The following NTRK3 variants were observed in gnomAD, a reference collection of about 807,000 sequenced individuals.
NTRK3 encodes NT-3 growth factor receptor.
Under a neutral mutation model 91.7 loss-of-function variants are expected in NTRK3, and 24 were observed. That is an observed-to-expected ratio of 0.26 (90% CI 0.19 to 0.37). The LOEUF is 0.37. Ranked by LOEUF, NTRK3 falls within the 10% of genes least tolerant of loss-of-function variation. NTRK3 has a pLI of 1.00. For synonymous variants in NTRK3, 483 were observed against 404.0 expected, an observed-to-expected ratio of 1.20 and a Z score of -2.34; for missense variants, 880 against 1,068.9, an observed-to-expected ratio of 0.82 and a Z score of 2.46.
intron 15 of NTRK3, among the ~76,000 whole-genome samples, chr15:87,935,511 G>T (rs1039592014): frequency 6.6e-6 from 1 of 152,206 alleles, no homozygotes; most frequent in Admixed American, 6.5e-5. Flanking sequence ...GCCTTGAGCT[G>T]TATGGGCTGG....
chr15:87,968,949 T>C (rs1246364507), intron 14 of NTRK3, among the ~76,000 whole-genome samples: 2 of 152,160 alleles, frequency 1.3e-5, no homozygotes, highest in African/African-American at 4.8e-5. Context: ...TTACCACCAA[T>C]CCTTCAATCA....
chr15:88,239,172 C>T (rs1264945466), intron 3 of NTRK3, among the ~76,000 whole-genome samples: 1 of 151,486 alleles, frequency 6.6e-6, no homozygotes, highest in Non-Finnish European at 1.5e-5. Context: ...AGGGAGGGCC[C>T]AGATAAGCAA....
intron 13 of NTRK3, among the ~76,000 whole-genome samples, chr15:88,091,160 A>G (rs941830791): frequency 3.3e-5 from 5 of 152,206 alleles, no homozygotes; most frequent in Admixed American, 1.3e-4. Context: ...TACTACCTGC[A>G]GCTTATCTTT....
intron 14 of NTRK3, among the ~76,000 whole-genome samples, chr15:87,973,245 A>G (rs1207625451): frequency 6.6e-6 from 1 of 152,170 alleles, no homozygotes; most frequent in Non-Finnish European, 1.5e-5. Context: ...CCCGTGCAGA[A>G]ATCTCTTCCC....
chr15:88,092,792 T>C (rs971861010), intron 13 of NTRK3, among the ~76,000 whole-genome samples: 8 of 152,272 alleles, frequency 5.3e-5, no homozygotes, highest in Middle Eastern at 3.4e-3. Flanking sequence ...CACTCCAATC[T>C]TCAAGGCCAG....
chr15:87,933,066 G>T lies in NTRK3; in HGVS notation c.1835C>A (p.Pro612His), dbSNP rs769103064. The stretch of plus-strand genomic sequence containing the variant: ...CATGTATTCAAAGACCATGATGAGG[G>T]GGTCCCCATCGCCGCACACTCCATA... The change falls in exon 16 of 19, where the codon CCC becomes CAC. Residue 612 changes from proline (P) to histidine (H), a missense_variant. By Grantham distance (77) the Pro-to-His change is moderately conservative (BLOSUM62 -2). Coordinates refer to ENST00000394480, the Ensembl canonical transcript of NTRK3. 7.4e-6 allele frequency: 12 copies of T among 1,613,908 alleles called. No individual in the cohort carries two copies. The highest frequency in any genetic ancestry group is 6.7e-5 in the African/African-American group (5 of 74,850).
At chr15:88,184,662 A>G (rs1001002556) in intron 3 of NTRK3, among the ~76,000 whole-genome samples, 2 of 152,156 alleles carry the variant, frequency 1.3e-5, no homozygotes, top group African/African-American at 4.8e-5. Context: ...CCTATTCAGA[A>G]TTTCCTAAGG....
At chr15:88,109,715 A>T (rs2051121463) in intron 13 of NTRK3, among the ~76,000 whole-genome samples, 1 of 152,154 alleles carries the variant, frequency 6.6e-6, no homozygotes, top group African/African-American at 2.4e-5. Context: ...CTATAGAAAC[A>T]ACCAACACCA....
intron 14 of NTRK3, among the ~76,000 whole-genome samples, chr15:88,029,008 TC>T (rs1253729409): frequency 1.3e-5 from 2 of 152,208 alleles, no homozygotes; most frequent in Non-Finnish European, 2.9e-5. Context: ...TTTTAGCTTC[TC>T]CCAAGTGACC....
At chr15:87,926,659 T>C (rs189260420) in intron 17 of NTRK3, 6 of 152,334 alleles carry the variant, frequency 3.9e-5, no homozygotes, top group East Asian at 1.9e-4. Flanking sequence ...GAAATATCAA[T>C]TGGGGATGTG....
rs1350933736 is a variant in NTRK3 at position 88,241,359 on chromosome 15, A to T, written c.248+14547T>A. On this transcript the variant is annotated intron_variant, in intron 3 of 18. Coordinates refer to ENST00000394480, the Ensembl canonical transcript of NTRK3. This position sits in a 1 kb window ranked among gnomAD's most constrained non-coding sequence, Gnocchi z 4.3. ...GGGCAGGGGGATGTCAGTCACCTGG[A>T]TGGGAGACACAGCCTGCAGCTCAGG... Among the ~76,000 whole-genome samples, 1 of 152,136 alleles carries T rather than the reference A, an allele frequency of 6.6e-6. No individual in the cohort carries two copies. Among genetic ancestry groups the T allele is most frequent in the African/African-American group, 2.4e-5 (1 of 41,430 alleles).
chr15:88,064,886 G>A (rs2046514998), intron 13 of NTRK3, among the ~76,000 whole-genome samples: 1 of 152,160 alleles, frequency 6.6e-6, no homozygotes, highest in Admixed American at 6.5e-5. Context: ...AGTTGAGAGG[G>A]AGGAAGGAAT....
At chr15:87,950,514 A>G (rs2071005101) in intron 14 of NTRK3, among the ~76,000 whole-genome samples, 1 of 152,222 alleles carries the variant, frequency 6.6e-6, no homozygotes, top group Non-Finnish European at 1.5e-5. Context: ...AAACACCAGG[A>G]TCAGAGTAAG....
At chr15:88,154,631 T>C (rs1263213295) in intron 5 of NTRK3, among the ~76,000 whole-genome samples, 3 of 152,204 alleles carry the variant, frequency 2.0e-5, no homozygotes, top group African/African-American at 4.8e-5. Flanking sequence ...AAATCTCAAC[T>C]GACGTGACTG....
intron 17 of NTRK3, among the ~76,000 whole-genome samples, chr15:87,906,881 A>AT (rs1196994050): frequency 6.6e-6 from 1 of 151,724 alleles, no homozygotes; most frequent in African/African-American, 2.4e-5. Context: ...CTTTATCTTT[A>AT]TTTTTTTATC....
intron 13 of NTRK3, among the ~76,000 whole-genome samples, chr15:88,043,408 A>C (rs2079848649): frequency 6.6e-6 from 1 of 152,202 alleles, no homozygotes; most frequent in South Asian, 2.1e-4. Flanking sequence ...TGTTACCTCA[A>C]AATAGAGACA....
At chr15:88,089,952 A>AC (rs2048866412) in intron 13 of NTRK3, among the ~76,000 whole-genome samples, 1 of 152,004 alleles carries the variant, frequency 6.6e-6, no homozygotes, top group African/African-American at 2.4e-5. Flanking sequence ...ATCTGCTATT[A>AC]CCCCTGCACC....
chr15:88,238,061 G>GGC (rs2051967668), intron 3 of NTRK3, among the ~76,000 whole-genome samples: 2 of 152,032 alleles, frequency 1.3e-5, no homozygotes, highest in African/African-American at 4.8e-5. Flanking sequence ...TTAGGACACA[G>GGC]GCACACACAC....
chr15:88,085,992 C>G (rs546036463), intron 13 of NTRK3, among the ~76,000 whole-genome samples: 35 of 152,260 alleles, frequency 2.3e-4, no homozygotes, highest in Admixed American at 5.2e-4. Flanking sequence ...CCTAGGGCAT[C>G]GAGGCATCAC....
Sources: allele counts gnomAD v4.1 joint callset (sites outside exome capture counted in the v4.1 genomes callset), GRCh38; gene constraint gnomAD v4.1.1; non-coding constraint Gnocchi (gnomAD v3.1); transcripts MANE v1.5; gene names NCBI Gene and HGNC (gene_info 2026-07-23, HGNC 2026-07-21).